Variants in LRP1B observed in about 807,000 individuals in gnomAD.
The protein encoded by LRP1B is low-density lipoprotein receptor-related protein 1B.
LRP1B carries 217 observed loss-of-function variants against 556.6 expected under a neutral mutation model. The observed-to-expected ratio is 0.39, with a 90% CI of 0.35 to 0.44. The LOEUF is 0.44. Among genes scored for constraint, LRP1B ranks in the 20% least tolerant of loss-of-function variants. LRP1B has a pLI of 1.00. For synonymous variants in LRP1B, 2,047 were observed against 1,865.8 expected (o/e 1.10, Z -2.50); for missense variants, 5,053 against 5,620.8 (o/e 0.90, Z 3.23).
chr2:141,045,772 T>G (rs910987436), intron 11 of LRP1B, among the ~76,000 whole-genome samples: 5 of 152,082 alleles, frequency 3.3e-5, no homozygotes, highest in Non-Finnish European at 5.9e-5. Flanking sequence ...TTTTATTGAC[T>G]GAAAAATAAT....
chr2:142,068,611 T>C (rs1705194089), intron 1 of LRP1B, among the ~76,000 whole-genome samples: 1 of 151,436 alleles, frequency 6.6e-6, no homozygotes, highest in Admixed American at 6.6e-5. Context: ...TTAATTTAAC[T>C]CCCTTCTTTG....
chr2:140,437,918 T>TATATTTGTTATATAACTTATATAACATG lies in LRP1B; in HGVS notation c.10414+4558_10414+4585dup, dbSNP rs1558882476. ...ATTTTAAAAACCATTAAAAATAGAATATATTTGTTATATAACTTATATAAC... is the reference window on the plus strand; with the variant it reads ...ATTTTAAAAACCATTAAAAATAGAATATATTTGTTATATAACTTATATAACATGATATTTGTTATATAACTTATATAAC... On this transcript the variant is annotated intron_variant, in intron 66 of 90. Transcript: ENST00000389484. 1.2e-4 allele frequency among the ~76,000 whole-genome samples: 18 copies of TATATTTGTTATATAACTTATATAACATG among 151,952 alleles called. 1 individual carries two copies. The East Asian group carries it at 1.9e-3, about 16-fold the overall frequency.
chr2:141,021,748 GT>G (rs1331917068), intron 11 of LRP1B, among the ~76,000 whole-genome samples: 1 of 151,894 alleles, frequency 6.6e-6, no homozygotes, highest in African/African-American at 2.4e-5. Context: ...TTACAATGCT[GT>G]ATGGATGAAA....
At chr2:142,069,129 T>C (rs1196354507) in intron 1 of LRP1B, among the ~76,000 whole-genome samples, 1 of 151,554 alleles carries the variant, frequency 6.6e-6, no homozygotes, top group East Asian at 1.9e-4. Context: ...TGTGGTTCAC[T>C]TAAGTGAAAT....
At chr2:140,274,328 TAAA>T in intron 85 of LRP1B, 93 bp downstream of exon 85, 1 of 1,136,056 alleles carries the variant, frequency 8.8e-7, no homozygotes, top group Non-Finnish European at 1.3e-6. Flanking sequence ...AATTTTAGAA[TAAA>T]AACAATCTAC....
intron 1 of LRP1B, among the ~76,000 whole-genome samples, chr2:142,089,265 G>T (rs1340333111): frequency 6.6e-6 from 1 of 152,102 alleles, no homozygotes; most frequent in Non-Finnish European, 1.5e-5. Context: ...GATAGATACT[G>T]TAGAACATAC....
chr2:140,757,724 T>C (rs1296545527), intron 35 of LRP1B, among the ~76,000 whole-genome samples: 2 of 152,012 alleles, frequency 1.3e-5, no homozygotes, highest in African/African-American at 4.8e-5. Flanking sequence ...CTGCTAAAAG[T>C]ACAAAAATTA....
At chr2:141,180,654 G>T (rs1680948430) in intron 7 of LRP1B, among the ~76,000 whole-genome samples, 2 of 151,942 alleles carry the variant, frequency 1.3e-5, no homozygotes, top group South Asian at 4.2e-4. Context: ...TATCCAGGAT[G>T]CTCCCACCCC....
chr2:140,654,678 A>T (rs1559034609), intron 41 of LRP1B, among the ~76,000 whole-genome samples: 1 of 152,032 alleles, frequency 6.6e-6, no homozygotes, highest in Admixed American at 6.5e-5. Flanking sequence ...CTGACACTAT[A>T]GATGGGATTT....
chr2:141,094,189 A>T (rs1700239447), intron 7 of LRP1B, among the ~76,000 whole-genome samples: 1 of 152,164 alleles, frequency 6.6e-6, no homozygotes, highest in African/African-American at 2.4e-5. Context: ...TACCTATGTG[A>T]TGGATCAGGA....
At chr2:141,897,280 GA>G (rs1443976230) in intron 1 of LRP1B, among the ~76,000 whole-genome samples, 3 of 152,016 alleles carry the variant, frequency 2.0e-5, no homozygotes, top group Non-Finnish European at 4.4e-5. Context: ...GGCAAAATAA[GA>G]AAAAATAAAA....
intron 23 of LRP1B, among the ~76,000 whole-genome samples, chr2:140,895,473 C>T (rs907790156): frequency 2.6e-5 from 4 of 151,446 alleles, no homozygotes; most frequent in Admixed American, 6.6e-5. Flanking sequence ...GGTGAGTGCT[C>T]GCAGGGGCCA....
At chr2:141,625,363 A>T (rs905887481) in intron 2 of LRP1B, among the ~76,000 whole-genome samples, 4 of 152,154 alleles carry the variant, frequency 2.6e-5, no homozygotes, top group East Asian at 1.9e-4. Flanking sequence ...ATGGATTTTT[A>T]AAAAAATGTG....
At position 140,565,930 on chromosome 2, in the gene LRP1B, G is replaced by A. The variant is rs184788497; in HGVS notation, c.7195-23959C>T. Among the ~76,000 whole-genome samples the A allele has an allele frequency of 4.2e-4, 64 of 152,202 alleles. No individual in the cohort carries two copies. In the East Asian group the frequency reaches 0.01, roughly 25 times the overall value. ...ACAGTACTCACCACTGGGGACCCCCGCAGTCCTCACAGGCACGAAGCCCAG... is the reference window on the plus strand; with the variant it reads ...ACAGTACTCACCACTGGGGACCCCCACAGTCCTCACAGGCACGAAGCCCAG... On this transcript the variant is annotated intron_variant, in intron 43 of 90. Transcript: ENST00000389484.
At chr2:140,509,842 T>C (rs1689577147) in intron 52 of LRP1B, 86 bp downstream of exon 52, 1 of 1,522,752 alleles carries the variant, frequency 6.6e-7, no homozygotes, top group African/African-American at 1.4e-5. Flanking sequence ...CAATGGGAAA[T>C]GTGCTATGGC....
chr2:140,477,632 G>A lies in LRP1B; in HGVS notation c.9426-2295C>T, dbSNP rs114167119. ...TTCTTAAGTAAACTACAAATTTCAAGTGGTCTAACTTCCATATAATTGCAA... is the reference window on the plus strand; with the variant it reads ...TTCTTAAGTAAACTACAAATTTCAAATGGTCTAACTTCCATATAATTGCAA... On this transcript the variant is annotated intron_variant, in intron 59 of 90. Coordinates refer to ENST00000389484, the MANE Select transcript of LRP1B (RefSeq NM_018557.3). Among the ~76,000 whole-genome samples, 76 of 152,200 alleles carry A rather than the reference G, an allele frequency of 5.0e-4. 1 individual carries two copies. Among genetic ancestry groups the A allele is most frequent in the African/African-American group, 1.4e-3 (60 of 41,528 alleles).
intron 84 of LRP1B, among the ~76,000 whole-genome samples, chr2:140,283,885 G>GT (rs1558769935): frequency 6.6e-6 from 1 of 151,696 alleles, no homozygotes; most frequent in Non-Finnish European, 1.5e-5. Context: ...ATTTTAGCAA[G>GT]TAACTGTAAA....
At chr2:141,278,923 C>G (rs1685406609) in intron 3 of LRP1B, among the ~76,000 whole-genome samples, 2 of 152,142 alleles carry the variant, frequency 1.3e-5, no homozygotes, top group Admixed American at 1.3e-4. Flanking sequence ...GCAGAATACA[C>G]AGCCTGAGAG....
chr2:140,633,373 C>T (rs1327976775), intron 41 of LRP1B, among the ~76,000 whole-genome samples: 1 of 151,922 alleles, frequency 6.6e-6, no homozygotes, highest in Non-Finnish European at 1.5e-5. Context: ...TATTATAAAA[C>T]AAGAAAGCTC....
Sources: gnomAD v4.1 joint callset for allele counts (sites outside exome capture counted in the v4.1 genomes callset) on GRCh38, gnomAD v4.1.1 for gene constraint, MANE v1.5 for transcripts, NCBI Gene and HGNC (gene_info 2026-07-23, HGNC 2026-07-21) for gene names.